The following CLIP1 variants were observed in gnomAD, a reference collection of about 807,000 sequenced individuals.
The protein encoded by CLIP1 is CAP-Gly domain-containing linker protein 1.
CLIP1 carries 66 observed loss-of-function variants against 161.6 expected under a neutral mutation model. The observed-to-expected ratio is 0.41, with a 90% CI of 0.33 to 0.50. CLIP1 has a LOEUF of 0.50. Ranked by LOEUF, CLIP1 falls within the 20% of genes least tolerant of loss-of-function variation. The pLI, the probability that CLIP1 is intolerant of heterozygous loss-of-function variation, is 0.27. For missense variants in CLIP1, 1,376 were observed against 1,702.0 expected, an observed-to-expected ratio of 0.81 and a Z score of 3.37; for synonymous variants, 598 against 626.2, an observed-to-expected ratio of 0.96 and a Z score of 0.67.
chr12:122,333,893 A>C, intron 14 of CLIP1, 134 bp downstream of exon 14: 1 of 594,078 alleles, frequency 1.7e-6, no homozygotes, highest in Non-Finnish European at 3.0e-6. Context: ...GTATTTCATC[A>C]CATTGTTATA....
intron 20 of CLIP1, among the ~76,000 whole-genome samples, chr12:122,305,822 C>T (rs974370953): frequency 2.0e-5 from 3 of 151,892 alleles, no homozygotes; most frequent in Admixed American, 1.3e-4. Flanking sequence ...AATCCCAGCA[C>T]TTTGGGAGGC....
intron 20 of CLIP1, among the ~76,000 whole-genome samples, chr12:122,292,552 T>C (rs1287924414): frequency 6.6e-6 from 1 of 152,198 alleles, no homozygotes; most frequent in Non-Finnish European, 1.5e-5. Context: ...CATCAGCCAT[T>C]TCTCTATGCA....
intron 21 of CLIP1, among the ~76,000 whole-genome samples, chr12:122,281,558 T>C (rs1566072129): frequency 6.6e-6 from 1 of 151,560 alleles, no homozygotes; most frequent in East Asian, 1.9e-4. Context: ...TAGCTAGGCA[T>C]GGCAGCGCAT....
Position 122,274,393 on chromosome 12 carries a change from C to A in CLIP1, c.3967-231G>T, listed in dbSNP as rs1196863248. 28 of 418,924 alleles carry A rather than the reference C, an allele frequency of 6.7e-5. No individual in the cohort carries two copies. In the East Asian group the frequency reaches 1.1e-3, roughly 17 times the overall value. The allele number at this position is 418,924 out of a possible 1,614,324, so 26.0% of individuals were successfully genotyped here. A position where few individuals can be genotyped will look rare whatever the true frequency, so the allele number is the denominator to read the frequency against. On this transcript the variant is annotated intron_variant, in intron 24 of 25. Transcript: ENST00000620786. ...CCATGTCTAGGTGGTAAGGCTATGG[C>A]AGTTTCTTTTACCCCCTCACACCTT...
At chr12:122,345,634 T>C (rs975596863) in intron 10 of CLIP1, among the ~76,000 whole-genome samples, 5 of 152,192 alleles carry the variant, frequency 3.3e-5, no homozygotes, top group Non-Finnish European at 1.5e-5. Flanking sequence ...ACTAGAAATT[T>C]TTTTAAAAAT....
Position 122,341,402 on chromosome 12 carries a change from T to G in CLIP1, c.1802A>C (p.Glu601Ala). 1 of 1,614,198 alleles carries G rather than the reference T, an allele frequency of 6.2e-7. No homozygotes were observed. Among genetic ancestry groups the G allele is most frequent in the Non-Finnish European group, 8.5e-7 (1 of 1,180,032 alleles). ...LYTATEKLSK[E>A]NESLKSKLEH... is the part of the protein sequence containing the mutation. ...CAGCTTGCTTTTCAATGACTCGTTCTCTTTGGAAAGCTTTTCCGTGGCGGT... is the reference window on the plus strand; with the variant it reads ...CAGCTTGCTTTTCAATGACTCGTTCGCTTTGGAAAGCTTTTCCGTGGCGGT... Residue 601 changes from glutamate to alanine, a missense_variant, in exon 11 of 26, where the codon GAG becomes GCG. Physicochemically the swap from Glu to Ala is moderately radical, Grantham distance 107 (BLOSUM62 -1). Coordinates refer to ENST00000620786, the MANE Select transcript of CLIP1 (RefSeq NM_001247997.2).
At chr12:122,319,196 T>G (rs1405895195) in intron 18 of CLIP1, 36 bp downstream of exon 18, 3 of 1,377,490 alleles carry the variant, frequency 2.2e-6, no homozygotes, top group Non-Finnish European at 3.1e-6. Flanking sequence ...GTTGGTAAGC[T>G]GTTCTTTGTA....
chr12:122,412,157 C>T (rs773756789), intron 1 of CLIP1, among the ~76,000 whole-genome samples: 5 of 149,286 alleles, frequency 3.3e-5, no homozygotes, highest in Non-Finnish European at 4.4e-5. Flanking sequence ...CAGCCTCAAC[C>T]TCCTGGGCTC....
chr12:122,403,482 A>ACATCATTTCT (rs1232140482), intron 1 of CLIP1, among the ~76,000 whole-genome samples: 23 of 148,068 alleles, frequency 1.6e-4, no homozygotes, highest in African/African-American at 5.2e-4. Flanking sequence ...ACAGTAGGAG[A>ACATCATTTCT]CATCATTTCT....
At chr12:122,389,810 T>TA (rs772978985) in intron 1 of CLIP1, among the ~76,000 whole-genome samples, 7 of 133,024 alleles carry the variant, frequency 5.3e-5, no homozygotes, top group Non-Finnish European at 7.9e-5. Flanking sequence ...TGGGGAGAGA[T>TA]ACAGTTTGGA....
intron 19 of CLIP1, among the ~76,000 whole-genome samples, chr12:122,316,082 G>A (rs1951258043): frequency 6.6e-6 from 1 of 152,038 alleles, no homozygotes; most frequent in Admixed American, 6.6e-5. Flanking sequence ...GCCAGGCGCA[G>A]TGGTTCATGC....
intron 15 of CLIP1, among the ~76,000 whole-genome samples, chr12:122,331,026 T>C (rs1475866659): frequency 1.3e-5 from 2 of 151,892 alleles, no homozygotes; most frequent in African/African-American, 4.8e-5. Context: ...TATTTATTTT[T>C]TTTTTGAGAC....
At chr12:122,296,316 C>A (rs1481126551) in intron 20 of CLIP1, among the ~76,000 whole-genome samples, 2 of 152,096 alleles carry the variant, frequency 1.3e-5, no homozygotes, top group African/African-American at 4.8e-5. Context: ...AACTATACAC[C>A]TATGAAGGGT....
chr12:122,384,295 C>G (rs568274595), intron 1 of CLIP1, among the ~76,000 whole-genome samples: 1 of 152,144 alleles, frequency 6.6e-6, no homozygotes, highest in Non-Finnish European at 1.5e-5. Flanking sequence ...TCTGCTACTA[C>G]AAGAATGACC....
chr12:122,297,317 G>A (rs1488854880), intron 20 of CLIP1, among the ~76,000 whole-genome samples: 2 of 152,132 alleles, frequency 1.3e-5, no homozygotes, highest in Non-Finnish European at 2.9e-5. Context: ...CTGCTTTGTA[G>A]GCTCAGTAAA....
At chr12:122,294,332 AAAAAAAAAAAAC>A (rs1164564743) in intron 20 of CLIP1, among the ~76,000 whole-genome samples, 6 of 143,046 alleles carry the variant, frequency 4.2e-5, no homozygotes, top group African/African-American at 1.2e-4. Flanking sequence ...CTGTCTCAAA[AAAAAAAAAAAAC>A]AAAAAAAAAA....
At chr12:122,411,916 G>A (rs1241434288) in intron 1 of CLIP1, among the ~76,000 whole-genome samples, 4 of 151,938 alleles carry the variant, frequency 2.6e-5, no homozygotes, top group African/African-American at 4.8e-5. Context: ...GCATAACTGC[G>A]AATATACTAA....
chr12:122,409,505 A>G (rs1338386007), intron 1 of CLIP1, among the ~76,000 whole-genome samples: 1 of 152,120 alleles, frequency 6.6e-6, no homozygotes, highest in East Asian at 1.9e-4. Context: ...TAGATGCTGT[A>G]AGTGGAAACT....
At chr12:122,380,050 C>T (rs75738624) in intron 2 of CLIP1, among the ~76,000 whole-genome samples, 2,126 of 151,764 alleles carry the variant, frequency 0.014, 122 homozygotes, top group East Asian at 0.097. Flanking sequence ...CGAGACCAGC[C>T]TGGCCAATAT....
Sources: gnomAD v4.1 joint callset for allele counts (sites outside exome capture counted in the v4.1 genomes callset) on GRCh38, gnomAD v4.1.1 for gene constraint, MANE v1.5 for transcripts, NCBI Gene and HGNC (gene_info 2026-07-23, HGNC 2026-07-21) for gene names.